SH3PXD2B: variants seen among roughly 807,000 people sequenced by gnomAD.
SH3PXD2B encodes SH3 and PX domain-containing protein 2B.
A neutral mutation model predicts 73.1 loss-of-function variants in SH3PXD2B; 37 were observed. The ratio of observed to expected loss-of-function variants is 0.51; its 90% confidence interval spans 0.39 to 0.67. The LOEUF is 0.67. Ranked by LOEUF, SH3PXD2B falls within the 30% of genes least tolerant of loss-of-function variation. The pLI is 0.00. For synonymous variants in SH3PXD2B, 457 were observed against 480.5 expected, an observed-to-expected ratio of 0.95 and a Z score of 0.64; for missense variants, 1,053 against 1,197.8, an observed-to-expected ratio of 0.88 and a Z score of 1.78.
At chr5:172,341,754 C>T (rs1756857155) in intron 12 of SH3PXD2B, among the ~76,000 whole-genome samples, 2 of 152,134 alleles carry the variant, frequency 1.3e-5, no homozygotes, top group Admixed American at 1.3e-4. Flanking sequence ...GGGTTCACGC[C>T]ATTCTCCTGC....
chr5:172,442,604 CTTA>C (rs758186399), intron 1 of SH3PXD2B, among the ~76,000 whole-genome samples: 1 of 152,058 alleles, frequency 6.6e-6, no homozygotes. Context: ...GGAGTACATC[CTTA>C]ATTAGAGTCT....
chr5:172,438,839 A>G (rs1431785254), intron 1 of SH3PXD2B, among the ~76,000 whole-genome samples: 1 of 152,110 alleles, frequency 6.6e-6, no homozygotes, highest in Non-Finnish European at 1.5e-5. Flanking sequence ...AACATGCTAC[A>G]CCAAAAAACA....
chr5:172,358,587 G>A (rs540131805), intron 8 of SH3PXD2B, among the ~76,000 whole-genome samples, 186 bp downstream of exon 8: 11 of 152,298 alleles, frequency 7.2e-5, no homozygotes, highest in Middle Eastern at 3.4e-3. Flanking sequence ...AAGAGAGGGC[G>A]GGCTTGCCCC....
At chr5:172,415,697 C>T (rs903703890) in intron 2 of SH3PXD2B, among the ~76,000 whole-genome samples, 12 of 152,220 alleles carry the variant, frequency 7.9e-5, no homozygotes, top group Admixed American at 2.0e-4. Context: ...AGGCACTACC[C>T]TCAGCTCTCT....
rs752253034 is a variant in SH3PXD2B, at chr5:172,338,650, G to A, written c.2455C>T (p.Arg819Ter). 6 of 1,614,160 alleles carry A rather than the reference G, an allele frequency of 3.7e-6. No individual in the cohort carries two copies. Among genetic ancestry groups the A allele is most frequent in the Non-Finnish European group, 5.1e-6 (6 of 1,180,026 alleles). The change falls in exon 13 of 13, where the codon CGA becomes TGA. Residue 819 changes from arginine to a stop codon, truncating the protein, a stop_gained. Transcript: ENST00000311601. LOFTEE classifies it high-confidence loss of function. This position sits in a 1 kb window ranked among gnomAD's most constrained non-coding sequence, Gnocchi z 5.1. Reference sequence around the variant, plus strand: ...CATGGCCCCAGGCTGCCTTTGCCTCGCGTGTCATCCTGGCCCCCCAAAGAG... The same window carrying A: ...CATGGCCCCAGGCTGCCTTTGCCTCACGTGTCATCCTGGCCCCCCAAAGAG... ...SNSLGGQDDT[R>*]GKGSLGPWGT...
chr5:172,381,660 T>A (rs1757949668), intron 5 of SH3PXD2B, among the ~76,000 whole-genome samples: 1 of 152,150 alleles, frequency 6.6e-6, no homozygotes, highest in African/African-American at 2.4e-5. Context: ...TTTGGGTTGC[T>A]CCCGCATTCA....
intron 12 of SH3PXD2B, among the ~76,000 whole-genome samples, chr5:172,325,694 G>A (rs901942525): frequency 6.6e-6 from 1 of 152,194 alleles, no homozygotes; most frequent in Non-Finnish European, 1.5e-5. Context: ...CCTTTACGAG[G>A]GCAACTAATT....
intron 1 of SH3PXD2B, among the ~76,000 whole-genome samples, chr5:172,447,816 A>C (rs891052208): frequency 6.7e-6 from 1 of 148,948 alleles, no homozygotes; most frequent in African/African-American, 2.5e-5. Context: ...GCACCAGAGC[A>C]GGCTGGGACT....
chr5:172,423,104 G>A (rs1002015168), intron 1 of SH3PXD2B, among the ~76,000 whole-genome samples: 4 of 152,158 alleles, frequency 2.6e-5, no homozygotes, highest in African/African-American at 9.7e-5. Flanking sequence ...CCAGTGGGCT[G>A]TGCTTCCAAC....
chr5:172,410,121 C>T (rs1336656862), intron 2 of SH3PXD2B, among the ~76,000 whole-genome samples: 1 of 152,220 alleles, frequency 6.6e-6, no homozygotes, highest in African/African-American at 2.4e-5. Flanking sequence ...TGTATTATCT[C>T]TTAGATATAC....
At chr5:172,387,647 C>A (rs1301674959) in intron 4 of SH3PXD2B, among the ~76,000 whole-genome samples, 1 of 152,156 alleles carries the variant, frequency 6.6e-6, no homozygotes, top group Non-Finnish European at 1.5e-5. Flanking sequence ...AAAGAGATGT[C>A]AGACAGACAA....
In SH3PXD2B at chr5:172,339,287, T is replaced by C. The variant is rs1302037899; in HGVS notation, c.1818A>G (p.Glu606=). 1.2e-6 allele frequency: 2 copies of C among 1,614,048 alleles called. No individual in the cohort carries two copies. The highest frequency in any genetic ancestry group is 1.3e-5 in the African/African-American group (1 of 74,918). The change falls in exon 13 of 13, where the codon GAA becomes GAG. Residue 606 remains glutamate (E), a synonymous_variant. Coordinates refer to ENST00000311601, the MANE Select transcript of SH3PXD2B (RefSeq NM_001017995.3). This position sits in a 1 kb window ranked among gnomAD's most constrained non-coding sequence, Gnocchi z 6.1. ...LECGHKVLAK[E]VKKPNLRPIS... is the part of the protein sequence containing the mutation. ...TGGGCCGGAGGTTGGGCTTCTTCAC[T>C]TCCTTGGCCAAGACCTTGTGGCCAC... is the stretch of plus-strand genomic sequence containing the variant.
chr5:172,414,147 C>A (rs748709524), intron 2 of SH3PXD2B, among the ~76,000 whole-genome samples: 2 of 152,094 alleles, frequency 1.3e-5, no homozygotes, highest in African/African-American at 4.8e-5. Context: ...CCAAGAGGGC[C>A]GAGGTGGAAG....
At chr5:172,399,788 T>A (rs1758386831) in intron 3 of SH3PXD2B, among the ~76,000 whole-genome samples, 1 of 152,244 alleles carries the variant, frequency 6.6e-6, no homozygotes. Context: ...CTCCTCCTTA[T>A]ACTTTCTGTC....
intron 1 of SH3PXD2B, among the ~76,000 whole-genome samples, chr5:172,439,695 C>T (rs1278090300): frequency 1.1e-4 from 5 of 47,450 alleles, no homozygotes; most frequent in East Asian, 1.2e-3. Context: ...CGCGCGCGCA[C>T]ACACACACAC....
chr5:172,327,513 G>T (rs1294243884), intron 12 of SH3PXD2B, among the ~76,000 whole-genome samples: 1 of 152,122 alleles, frequency 6.6e-6, no homozygotes, highest in Non-Finnish European at 1.5e-5. Flanking sequence ...ATATCCTTCA[G>T]GCACGCTCAA....
chr5:172,347,276 C>A lies in SH3PXD2B; in HGVS notation c.1062+7G>T, dbSNP rs1159998428. ...TGGCCACTCCCCAGTAGCGAGGATCCACTTACAATGGTCATGTCCCGGCGA... is the reference window on the plus strand; with the variant it reads ...TGGCCACTCCCCAGTAGCGAGGATCAACTTACAATGGTCATGTCCCGGCGA... On this transcript the variant is annotated splice_region_variant and intron_variant, in intron 11 of 12. Transcript: ENST00000311601. 6 of 1,614,136 alleles carry A rather than the reference C, an allele frequency of 3.7e-6. No individual in the cohort carries two copies. The highest frequency in any genetic ancestry group is 1.7e-5 in the Admixed American group (1 of 60,020).
intron 7 of SH3PXD2B, among the ~76,000 whole-genome samples, chr5:172,362,446 T>C (rs1757422612): frequency 6.6e-6 from 1 of 152,188 alleles, no homozygotes; most frequent in Non-Finnish European, 1.5e-5. Context: ...TTCCAGTGAA[T>C]GCTGGACTTT....
chr5:172,447,182 C>T (rs1464386915), intron 1 of SH3PXD2B, among the ~76,000 whole-genome samples: 1 of 151,394 alleles, frequency 6.6e-6, no homozygotes, highest in Non-Finnish European at 1.5e-5. Context: ...GAGAAAAGCA[C>T]AGAAAAGCAC....
Sources: allele counts gnomAD v4.1 joint callset (sites outside exome capture counted in the v4.1 genomes callset), GRCh38; gene constraint gnomAD v4.1.1; non-coding constraint Gnocchi (gnomAD v3.1); transcripts MANE v1.5; gene names NCBI Gene and HGNC (gene_info 2026-07-23, HGNC 2026-07-21).